NEGR1: variants seen among roughly 807,000 people sequenced by gnomAD.
The protein encoded by NEGR1 is neuronal growth regulator 1.
In NEGR1, 10 loss-of-function variants were observed where a neutral mutation model predicts 40.9. That is an observed-to-expected ratio of 0.24 (90% CI 0.15 to 0.42). NEGR1 has a LOEUF of 0.42. NEGR1 is among the 10% of genes least tolerant of loss of function. The pLI is 1.00. For synonymous variants in NEGR1, 185 were observed against 166.8 expected, an observed-to-expected ratio of 1.11 and a Z score of -0.84; for missense variants, 352 against 438.9, an observed-to-expected ratio of 0.80 and a Z score of 1.77.
At chr1:72,171,188 T>C (rs1274344904) in intron 1 of NEGR1, among the ~76,000 whole-genome samples, 1 of 152,196 alleles carries the variant, frequency 6.6e-6, no homozygotes. Context: ...TAATTTGATG[T>C]GGAAGAATCA....
chr1:71,634,042 A>G (rs1418658666), intron 4 of NEGR1, among the ~76,000 whole-genome samples: 1 of 152,058 alleles, frequency 6.6e-6, no homozygotes, highest in African/African-American at 2.4e-5. Context: ...TGTTTTTTGG[A>G]CTTGGAGTTA....
At chr1:72,244,298 T>C (rs1654836427) in intron 1 of NEGR1, among the ~76,000 whole-genome samples, 1 of 151,868 alleles carries the variant, frequency 6.6e-6, no homozygotes, top group African/African-American at 2.4e-5. Flanking sequence ...ATCGAAGAAA[T>C]TAAGAAATGT....
At chr1:71,879,672 A>T (rs75866531) in intron 2 of NEGR1, among the ~76,000 whole-genome samples, 5,195 of 152,302 alleles carry the variant, frequency 0.034, 128 homozygotes, top group Middle Eastern at 0.092. Context: ...GAAAAACAAC[A>T]TAACTTTCTT....
In NEGR1 at chr1:71,454,559, T is replaced by TA. The variant is rs1303987361; in HGVS notation, c.941-46990_941-46989insT. 6.6e-4 allele frequency among the ~76,000 whole-genome samples: 48 copies of TA among 72,846 alleles called. 1 individual carries two copies. In the East Asian group the frequency reaches 9.3e-3, roughly 14 times the overall value. The allele number at this position is 72,846 out of a possible 152,430, so 47.8% of individuals were successfully genotyped here. On this transcript the variant is annotated intron_variant, in intron 6 of 6. Transcript: ENST00000357731. The stretch of plus-strand genomic sequence containing the variant: ...CAAATATCCAGGTTTCCTTGTGGTT[T>TA]TAAAAAAATTTACCTTCCACTCTTA...
intron 3 of NEGR1, among the ~76,000 whole-genome samples, chr1:71,763,669 T>C (rs1656022359): frequency 2.6e-5 from 4 of 151,982 alleles, no homozygotes; most frequent in African/African-American, 9.7e-5. Flanking sequence ...CTAAAATTGA[T>C]TGGTGTGAGC....
intron 1 of NEGR1, among the ~76,000 whole-genome samples, chr1:72,062,232 T>C (rs971883572): frequency 6.6e-6 from 1 of 151,810 alleles, no homozygotes; most frequent in Non-Finnish European, 1.5e-5. Flanking sequence ...TGGAAGTTTT[T>C]CCCAGTTTCT....
At chr1:71,584,673 C>T (rs557164482) in intron 6 of NEGR1, among the ~76,000 whole-genome samples, 70 of 152,182 alleles carry the variant, frequency 4.6e-4, no homozygotes, top group Non-Finnish European at 7.5e-4. Context: ...ACACAGTGCA[C>T]GCTTGATAAG....
At chr1:72,151,443 A>T (rs1651120392) in intron 1 of NEGR1, among the ~76,000 whole-genome samples, 1 of 151,726 alleles carries the variant, frequency 6.6e-6, no homozygotes, top group Non-Finnish European at 1.5e-5. Flanking sequence ...TGGACAGATA[A>T]ACAAGAAATG....
At chr1:71,601,529 T>G (rs1649918263) in intron 5 of NEGR1, among the ~76,000 whole-genome samples, 1 of 152,232 alleles carries the variant, frequency 6.6e-6, no homozygotes, top group Admixed American at 6.5e-5. Context: ...ATAGCAGTAT[T>G]CACAATAGCG....
At chr1:71,478,739 G>A (rs1646836901) in intron 6 of NEGR1, among the ~76,000 whole-genome samples, 1 of 151,970 alleles carries the variant, frequency 6.6e-6, no homozygotes, top group Non-Finnish European at 1.5e-5. Context: ...TCCCCCAATG[G>A]TACTGTGCCA....
chr1:72,184,252 A>G (rs1448516201), intron 1 of NEGR1, among the ~76,000 whole-genome samples: 1 of 152,120 alleles, frequency 6.6e-6, no homozygotes, highest in Admixed American at 6.6e-5. Flanking sequence ...CTCTGTGCTC[A>G]GTGAAGTCAG....
Position 71,935,153 on chromosome 1 carries a change from T to C in NEGR1, c.335A>G (p.Asp112Gly). 1 of 1,613,794 alleles carries C rather than the reference T, an allele frequency of 6.2e-7. No homozygotes were observed. The highest frequency in any genetic ancestry group is 8.5e-7 in the Non-Finnish European group (1 of 1,179,750). The part of the protein sequence containing the change: ...SLQIQNVDVT[D>G]DGPYTCSVQT... ...AACAGAACACGTGTATGGGCCATCA[T>C]CTGTCACATCTACATTCTGTATCTG... Residue 112 changes from aspartate to glycine, a missense_variant, in exon 2 of 7, where the codon GAT becomes GGT. Transcript: ENST00000357731.
At chr1:71,467,108 A>G (rs934160057) in intron 6 of NEGR1, among the ~76,000 whole-genome samples, 1 of 152,260 alleles carries the variant, frequency 6.6e-6, no homozygotes, top group African/African-American at 2.4e-5. Flanking sequence ...ATAAAGTTAA[A>G]TGAATGAAAA....
intron 4 of NEGR1, among the ~76,000 whole-genome samples, chr1:71,623,557 G>GT (rs1475537084): frequency 1.3e-5 from 2 of 151,834 alleles, no homozygotes; most frequent in East Asian, 1.9e-4. Flanking sequence ...GAGAGGTAAT[G>GT]TTTTTTCTCA....
chr1:72,138,932 G>C (rs1650569990), intron 1 of NEGR1, among the ~76,000 whole-genome samples: 1 of 151,822 alleles, frequency 6.6e-6, no homozygotes, highest in Admixed American at 6.6e-5. Flanking sequence ...TATGTATAAA[G>C]ATACACCATA....
intron 6 of NEGR1, among the ~76,000 whole-genome samples, chr1:71,577,108 G>A (rs1460186789): frequency 6.6e-6 from 1 of 152,120 alleles, no homozygotes; most frequent in Admixed American, 6.5e-5. Context: ...GTTATTCACA[G>A]AATTGTAATT....
At chr1:71,756,407 CAAA>C (rs758894468) in intron 3 of NEGR1, among the ~76,000 whole-genome samples, 30 of 45,738 alleles carry the variant, frequency 6.6e-4, no homozygotes, top group East Asian at 5.2e-3. Context: ...AAAACAAAAA[CAAA>C]CAAAAAAAAA....
At chr1:71,704,897 A>G (rs569610680) in intron 3 of NEGR1, among the ~76,000 whole-genome samples, 2 of 151,992 alleles carry the variant, frequency 1.3e-5, no homozygotes, top group Non-Finnish European at 2.9e-5. Flanking sequence ...GGATATATTA[A>G]TATGATAATA....
At chr1:72,068,113 C>T (rs1318397407) in intron 1 of NEGR1, among the ~76,000 whole-genome samples, 1 of 152,186 alleles carries the variant, frequency 6.6e-6, no homozygotes, top group Non-Finnish European at 1.5e-5. Flanking sequence ...CTGTTCCAGA[C>T]TGATCTGTAA....
Sources: gnomAD v4.1 joint callset for allele counts (sites outside exome capture counted in the v4.1 genomes callset) on GRCh38, gnomAD v4.1.1 for gene constraint, MANE v1.5 for transcripts, NCBI Gene and HGNC (gene_info 2026-07-23, HGNC 2026-07-21) for gene names.